The following SSB variants were observed in gnomAD, a reference collection of about 807,000 sequenced individuals.
SSB encodes small RNA binding exonuclease protection factor La, also known as lupus La protein.
A neutral mutation model predicts 52.9 loss-of-function variants in SSB; 17 were observed. That is an observed-to-expected ratio of 0.32 (90% confidence interval 0.22 to 0.48). The LOEUF (loss-of-function observed/expected upper bound fraction) is 0.48. Ranked by LOEUF, SSB falls within the 20% of genes least tolerant of loss-of-function variation. The probability of loss-of-function intolerance (pLI) is 0.99; values close to 1 mark genes in which losing one functional copy is unlikely to be tolerated. For missense variants in SSB, 314 were observed against 463.6 expected, an observed-to-expected ratio of 0.68 and a Z score of 2.96; for synonymous variants, 111 against 152.1, an observed-to-expected ratio of 0.73 and a Z score of 1.99.
chr2:169,807,118 C>G (rs772044776), intron 6 of SSB, 47 bp downstream of exon 6: 1 of 1,487,062 alleles, frequency 6.7e-7, no homozygotes, highest in Non-Finnish European at 9.4e-7. Context: ...CTTATATGGA[C>G]ACACACTAGG....
intron 1 of SSB, 141 bp from the exon 2 acceptor site, chr2:169,800,811 T>C: frequency 1.9e-6 from 1 of 538,608 alleles, no homozygotes; most frequent in Admixed American, 4.1e-5. Flanking sequence ...ATTTGAGAAC[T>C]GAGTAAAGAA....
At chr2:169,799,795 AGT>A (rs2105694521) in intron 1 of SSB, among the ~76,000 whole-genome samples, 1 of 152,278 alleles carries the variant, frequency 6.6e-6, no homozygotes, top group East Asian at 1.9e-4. Flanking sequence ...ATGCAATTGC[AGT>A]GTGTCAGGGG....
intron 7 of SSB, 24 bp from the exon 8 acceptor site, chr2:169,808,831 GTATGT>G (rs749677653): frequency 1.6e-5 from 24 of 1,485,820 alleles, no homozygotes; most frequent in Non-Finnish European, 2.0e-5. Context: ...GTAAATAGAA[GTATGT>G]TATAATTATA....
chr2:169,810,920 T>C lies in SSB; in HGVS notation c.873T>C (p.Asn291=). The part of the protein sequence containing the change: ...EALGKAKDAN[N]GNLQLRNKEV... ...TGGGTAAAGCCAAAGATGCAAATAA[T>C]GGTAACCTACAATTAAGGAACAAAG... The change falls in exon 10 of 12, where the codon AAT becomes AAC. Residue 291 remains asparagine (N), a synonymous_variant. Coordinates refer to ENST00000260956, the MANE Select transcript of SSB (RefSeq NM_003142.5). The C allele has an allele frequency of 6.2e-7, 1 of 1,613,524 alleles. No homozygotes were observed. Among genetic ancestry groups the C allele is most frequent in the Non-Finnish European group, 8.5e-7 (1 of 1,179,696 alleles).
At chr2:169,802,145 C>T (rs1307507868) in intron 2 of SSB, among the ~76,000 whole-genome samples, 1 of 152,164 alleles carries the variant, frequency 6.6e-6, no homozygotes, top group Non-Finnish European at 1.5e-5. Flanking sequence ...GATCATACCA[C>T]TGCACTCCAG....
chr2:169,799,776 T>C (rs1185847102), intron 1 of SSB, among the ~76,000 whole-genome samples: 2 of 152,140 alleles, frequency 1.3e-5, no homozygotes, highest in Admixed American at 6.5e-5. Context: ...TGTGTATCCA[T>C]GGTATCGAAT....
intron 1 of SSB, among the ~76,000 whole-genome samples, 191 bp from the exon 2 acceptor site, chr2:169,800,760 AT>A (rs926427522): frequency 6.6e-6 from 1 of 152,088 alleles, no homozygotes; most frequent in Admixed American, 6.5e-5. Flanking sequence ...TAGTTTTTAG[AT>A]TTTTTCATCA....
intron 2 of SSB, among the ~76,000 whole-genome samples, 153 bp downstream of exon 2, chr2:169,801,179 G>A (rs946567804): frequency 8.5e-5 from 13 of 152,190 alleles, no homozygotes; most frequent in Non-Finnish European, 2.9e-5. Context: ...TATTGGTGGA[G>A]CCAGGTTGTG....
intron 7 of SSB, 54 bp downstream of exon 7, chr2:169,808,607 G>A: frequency 6.8e-7 from 1 of 1,461,102 alleles, no homozygotes; most frequent in South Asian, 1.2e-5. Flanking sequence ...AGCTCTGACA[G>A]AAATATAGCT....
intron 11 of SSB, 52 bp from the exon 12 acceptor site, chr2:169,811,616 A>C: frequency 6.3e-7 from 1 of 1,584,112 alleles, no homozygotes; most frequent in Non-Finnish European, 8.6e-7. Context: ...TCAGTATTAA[A>C]CTAGAGCAGT....
At chr2:169,806,484 TATAA>T (rs1689832010) in intron 4 of SSB, 2 of 221,374 alleles carry the variant, frequency 9.0e-6, no homozygotes, top group Admixed American at 5.4e-5. Context: ...CAGATACATA[TATAA>T]ATAGATTCAA....
At chr2:169,802,507 A>C (rs1689733644) in intron 2 of SSB, among the ~76,000 whole-genome samples, 1 of 152,002 alleles carries the variant, frequency 6.6e-6, no homozygotes, top group Non-Finnish European at 1.5e-5. Flanking sequence ...ATGAGGAGAA[A>C]AATTAGAAAT....
chr2:169,810,522 A>G, intron 9 of SSB, 99 bp downstream of exon 9: 1 of 1,150,326 alleles, frequency 8.7e-7, no homozygotes, highest in South Asian at 1.6e-5. Flanking sequence ...GTGTTTATTA[A>G]ATTAGTTTCT....
chr2:169,805,835 A>G lies in SSB; in HGVS notation c.341A>G (p.Tyr114Cys). The G allele has an allele frequency of 6.2e-7, 1 of 1,612,554 alleles. No homozygotes were observed. The highest frequency in any genetic ancestry group is 1.1e-5 in the South Asian group (1 of 90,784). The change falls in exon 4 of 12, where the codon TAT becomes TGT. Residue 114 changes from tyrosine (Y) to cysteine (C), a missense_variant. Physicochemically the swap from Tyr to Cys is radical, Grantham distance 194. Coordinates refer to ENST00000260956, the MANE Select transcript of SSB (RefSeq NM_003142.5). ...YKNDVKNRSV[Y>C]IKGFPTDATL... Reference sequence around the variant, plus strand: ...AATGATGTAAAAAACAGATCTGTTTATATTGTAAGTGGGCCTGTAATGCAT... The same window carrying G: ...AATGATGTAAAAAACAGATCTGTTTGTATTGTAAGTGGGCCTGTAATGCAT...
chr2:169,811,658 T>TA lies in SSB; in HGVS notation c.1139-9dup. On this transcript the variant is annotated splice_polypyrimidine_tract_variant and intron_variant, in intron 11 of 11. Transcript: ENST00000260956. ...GTTGAATTTAACAAAAATTAATTGT[T>TA]ACGTTATAGGACCTGTGAAAAGAGC... is the stretch of plus-strand genomic sequence containing the variant. 6.2e-7 allele frequency: 1 copy of TA among 1,602,926 alleles called. No individual in the cohort carries two copies. Among genetic ancestry groups the TA allele is most frequent in the Non-Finnish European group, 8.5e-7 (1 of 1,177,178 alleles).
intron 7 of SSB, 150 bp downstream of exon 7, chr2:169,808,703 A>C (rs1689880220): frequency 3.0e-6 from 3 of 989,444 alleles, no homozygotes; most frequent in Non-Finnish European, 4.5e-6. Flanking sequence ...TCTCAGGGCC[A>C]AATTGCATTG....
intron 7 of SSB, 24 bp downstream of exon 7, chr2:169,808,577 A>G: frequency 1.3e-6 from 2 of 1,577,894 alleles, no homozygotes; most frequent in Non-Finnish European, 1.7e-6. Flanking sequence ...ACTAATCACG[A>G]CATAATTTGA....
rs1558974283 is a variant in SSB at position 169,811,893 on chromosome 2, T to C, written c.*137T>C. On this transcript the variant is annotated 3_prime_UTR_variant, in exon 12 of 12. Transcript: ENST00000260956. The stretch of plus-strand genomic sequence containing the variant: ...AGGAAAAATTTTTTTGTTGTTTAAC[T>C]TGTCTTTTTGTTATGCAAATGAGAT... 1 of 1,604,260 alleles carries C rather than the reference T, an allele frequency of 6.2e-7. No homozygotes were observed.
Position 169,811,262 on chromosome 2 carries a change from C to T in SSB, c.1077C>T (p.Gly359=), listed in dbSNP as rs768346466. The change falls in exon 11 of 12, where the codon GGC becomes GGT. Residue 359 remains glycine, a synonymous_variant. Transcript: ENST00000260956. ...GSGKGKVQFQ[G]KKTKFASDDE... is the part of the protein sequence containing the mutation. ...GTAAAGGAAAAGTACAGTTTCAGGG[C>T]AAGAAAACGAAATTTGCTAGTGATG... is the stretch of plus-strand genomic sequence containing the variant. The T allele has an allele frequency of 3.1e-5, 50 of 1,609,216 alleles. No individual in the cohort carries two copies. In the East Asian group the frequency reaches 8.9e-4, roughly 29 times the overall value.
Sources: gnomAD v4.1 joint callset for allele counts (sites outside exome capture counted in the v4.1 genomes callset) on GRCh38, gnomAD v4.1.1 for gene constraint, MANE v1.5 for transcripts, NCBI Gene and HGNC (gene_info 2026-07-23, HGNC 2026-07-21) for gene names.